The following CLEC4G variants were observed in gnomAD, a reference collection of about 807,000 sequenced individuals.
CLEC4G encodes the protein C-type lectin domain family 4 member G.
A neutral mutation model predicts 37.0 loss-of-function variants in CLEC4G; 34 were observed. That is an observed-to-expected ratio of 0.92 (90% CI 0.70 to 1.22). CLEC4G has a LOEUF of 1.22. Ranked by LOEUF, CLEC4G falls within the 50% of genes most tolerant of loss-of-function variation. The pLI is 0.00. For missense variants in CLEC4G, 390 were observed against 392.9 expected (o/e 0.99, Z 0.06); for synonymous variants, 167 against 165.6 (o/e 1.01, Z -0.06).
In CLEC4G at chr19:7,731,776, C is replaced by T. The variant is rs777215116; in HGVS notation, c.56-5G>A. ...GCACCCAGCGTCCCCAGGGCCCTGG[C>T]ATAACAAGGACGGCATGCTGGGTCC... On this transcript the variant is annotated splice_region_variant and splice_polypyrimidine_tract_variant and intron_variant, in intron 1 of 8. Coordinates refer to ENST00000328853, the MANE Select transcript of CLEC4G (RefSeq NM_198492.4). The T allele has an allele frequency of 6.2e-6, 10 of 1,611,716 alleles. No homozygotes were observed. The highest frequency in any genetic ancestry group is 8.5e-6 in the Non-Finnish European group (10 of 1,178,990).
chr19:7,731,933 T>C (rs2033439530), intron 1 of CLEC4G, 115 bp downstream of exon 1: 5 of 1,471,342 alleles, frequency 3.4e-6, no homozygotes, highest in Non-Finnish European at 3.7e-6. Context: ...ACTGGCTCTA[T>C]GGCCTGTGGT....
rs763549700 is a variant in CLEC4G, at chr19:7,729,362, G to C, written c.*4C>G. 1.9e-6 allele frequency: 3 copies of C among 1,599,550 alleles called. No homozygotes were observed. The highest frequency in any genetic ancestry group is 2.6e-6 in the Non-Finnish European group (3 of 1,168,378). On this transcript the variant is annotated 3_prime_UTR_variant, in exon 9 of 9. Coordinates refer to ENST00000328853, the MANE Select transcript of CLEC4G (RefSeq NM_198492.4). The stretch of plus-strand genomic sequence containing the variant: ...TGGGCGCGGCTCCAGGGCACTGGGC[G>C]GGGTCAGCAGTTGTGCCTTTTCTCA...
intron 1 of CLEC4G, 85 bp downstream of exon 1, chr19:7,731,963 C>G (rs1211206295): frequency 6.8e-7 from 1 of 1,462,582 alleles, no homozygotes; most frequent in African/African-American, 1.4e-5. Context: ...GCACCCACAA[C>G]CCTGGCCTGT....
intron 1 of CLEC4G, 122 bp from the exon 2 acceptor site, chr19:7,731,893 G>A: frequency 6.6e-7 from 1 of 1,525,402 alleles, no homozygotes; most frequent in Non-Finnish European, 8.8e-7. Context: ...CAGCTTCTAA[G>A]CGGCAGAGTT....
chr19:7,730,641 A>G lies in CLEC4G; in HGVS notation c.388+114T>C. ...GGAGTGGCAGTCAAGGTCAGAGTGCAGCGTCAGGGTCAGGACGGGGTGCAT... is the reference window on the plus strand; with the variant it reads ...GGAGTGGCAGTCAAGGTCAGAGTGCGGCGTCAGGGTCAGGACGGGGTGCAT... On this transcript the variant is annotated intron_variant, in intron 5 of 8. Transcript: ENST00000328853. This position sits in a 1 kb window ranked among gnomAD's most constrained non-coding sequence, Gnocchi z 7.3. 2 of 1,453,292 alleles carry G rather than the reference A, an allele frequency of 1.4e-6. No homozygotes were observed. The highest frequency in any genetic ancestry group is 1.8e-6 in the Non-Finnish European group (2 of 1,105,014). 90.0% of individuals were successfully genotyped at this position (1,453,292 alleles called of 1,614,324 possible).
intron 2 of CLEC4G, among the ~76,000 whole-genome samples, 162 bp downstream of exon 2, chr19:7,731,499 C>T (rs1156503853): frequency 6.6e-6 from 1 of 152,230 alleles, no homozygotes; most frequent in African/African-American, 2.4e-5. Context: ...ACGAGCACGC[C>T]ATGTGCACAC....
Position 7,731,631 on chromosome 19 carries a change from T to C in CLEC4G, c.166+30A>G, listed in dbSNP as rs767383551. ...GTTTTCTGTCCCCAGGGGGGCCGGA[T>C]GCAACACCTCCCCATTGAGAGTCAC... On this transcript the variant is annotated intron_variant, in intron 2 of 8. Transcript: ENST00000328853. 5 of 1,610,392 alleles carry C rather than the reference T, an allele frequency of 3.1e-6. No individual in the cohort carries two copies. The African/African-American group carries it at 5.3e-5, about 17-fold the overall frequency.
At chr19:7,731,473 G>A in intron 2 of CLEC4G, 154 bp from the exon 3 acceptor site, 2 of 1,472,736 alleles carry the variant, frequency 1.4e-6, no homozygotes, top group Non-Finnish European at 1.8e-6. Context: ...ACAAACGCGC[G>A]GGGACTCGCG....
chr19:7,730,940 C>T lies in CLEC4G; in HGVS notation c.284-81G>A, dbSNP rs1319878906. ...AGACCAGCCCCCGCCCCGCACCACC[C>T]GCCGCAGGCCTCCGCCCCGGCCCCC... On this transcript the variant is annotated intron_variant, in intron 4 of 8. Transcript: ENST00000328853. This position sits in a 1 kb window ranked among gnomAD's most constrained non-coding sequence, Gnocchi z 7.3. 3 of 1,479,620 alleles carry T rather than the reference C, an allele frequency of 2.0e-6. No individual in the cohort carries two copies. The African/African-American group carries it at 4.3e-5, about 21-fold the overall frequency. 91.7% of individuals were successfully genotyped at this position (1,479,620 alleles called of 1,614,324 possible). A position where few individuals can be genotyped will look rare whatever the true frequency, so the allele number is the denominator to read the frequency against.
Position 7,730,240 on chromosome 19 carries a change from G to A in CLEC4G, c.479-73C>T. 1 of 1,582,344 alleles carries A rather than the reference G, an allele frequency of 6.3e-7. No individual in the cohort carries two copies. Among genetic ancestry groups the A allele is most frequent in the Non-Finnish European group, 8.6e-7 (1 of 1,166,180 alleles). ...GCACCGAGAGGATGCAGTGGGTAGG[G>A]GTTCGGCCCCGCGGGCTCAGGGGTG... On this transcript the variant is annotated intron_variant, in intron 6 of 8. Transcript: ENST00000328853. This position sits in a 1 kb window ranked among gnomAD's most constrained non-coding sequence, Gnocchi z 7.3.
At position 7,729,828 on chromosome 19, in the gene CLEC4G, T is replaced by TGA; in HGVS notation, c.734_735dup (p.Phe247AlafsTer21). ...CAGGAGCCTTTCCCTCACCTGAAGC[T>TGA]GAGAGAGACTCCGTCCACCCACTGG... On this transcript the variant is annotated frameshift_variant, in exon 8 of 9. Coordinates refer to ENST00000328853, the MANE Select transcript of CLEC4G (RefSeq NM_198492.4). LOFTEE classifies it low-confidence loss of function (END_TRUNC). 1 of 1,614,088 alleles carries TGA rather than the reference T, an allele frequency of 6.2e-7. No homozygotes were observed. The highest frequency in any genetic ancestry group is 8.5e-7 in the Non-Finnish European group (1 of 1,180,004).
chr19:7,730,734 G>C lies in CLEC4G; in HGVS notation c.388+21C>G, dbSNP rs1408456209. ...GGGGACGCGGCCAGGGCTCAGGGCCGGGGTCGCGTCGGGCCCTCACCGCGC... is the reference window on the plus strand; with the variant it reads ...GGGGACGCGGCCAGGGCTCAGGGCCCGGGTCGCGTCGGGCCCTCACCGCGC... On this transcript the variant is annotated intron_variant, in intron 5 of 8. Coordinates refer to ENST00000328853, the MANE Select transcript of CLEC4G (RefSeq NM_198492.4). The surrounding 1 kb of genome is among the most constrained non-coding windows in gnomAD (Gnocchi z 7.3). 4.0e-5 allele frequency: 61 copies of C among 1,527,048 alleles called. No homozygotes were observed. The highest frequency in any genetic ancestry group is 5.2e-5 in the Non-Finnish European group (59 of 1,142,864). The allele number at this position is 1,527,048 out of a possible 1,614,324, so 94.6% of individuals were successfully genotyped here. A position where few individuals can be genotyped will look rare whatever the true frequency, so the allele number is the denominator to read the frequency against.
chr19:7,729,522 G>A lies in CLEC4G; in HGVS notation c.744-18C>T, dbSNP rs764964349. 18 of 1,566,192 alleles carry A rather than the reference G, an allele frequency of 1.1e-5. No homozygotes were observed. The highest frequency in any genetic ancestry group is 1.7e-4 in the Middle Eastern group (1 of 5,864). ...TCCAGTGGCTACAGGGGGGTTGAGT[G>A]GGGGTGTTGCTGGGAATCTAGACAG... On this transcript the variant is annotated intron_variant, in intron 8 of 8. Coordinates refer to ENST00000328853, the MANE Select transcript of CLEC4G (RefSeq NM_198492.4).
chr19:7,730,261 G>T lies in CLEC4G; in HGVS notation c.478+90C>A. ...TAGGGGTTCGGCCCCGCGGGCTCAG[G>T]GGTGGAGACACAGAACCAGGCCAAG... On this transcript the variant is annotated intron_variant, in intron 6 of 8. Coordinates refer to ENST00000328853, the MANE Select transcript of CLEC4G (RefSeq NM_198492.4). This position sits in a 1 kb window ranked among gnomAD's most constrained non-coding sequence, Gnocchi z 7.3. The T allele has an allele frequency of 1.9e-6, 3 of 1,573,452 alleles. No individual in the cohort carries two copies. The highest frequency in any genetic ancestry group is 2.6e-6 in the Non-Finnish European group (3 of 1,162,758).
chr19:7,731,148 A>G, intron 3 of CLEC4G, 60 bp from the exon 4 acceptor site: 2 of 1,594,508 alleles, frequency 1.3e-6, no homozygotes, highest in Non-Finnish European at 8.5e-7. Context: ...GACTCAGGGG[A>G]CCCCCTTCCA....
rs373933021 is a variant in CLEC4G at position 7,730,808 on chromosome 19, G to T, written c.335C>A (p.Ala112Glu). ...LQTTRAELGE[A>E]QAKLMEQESA... Reference sequence around the variant, plus strand: ...CTCCTGCTCCATCAGCTTCGCCTGCGCCTCCCCAAGCTCCGCGCGCGTGGT... The same window carrying T: ...CTCCTGCTCCATCAGCTTCGCCTGCTCCTCCCCAAGCTCCGCGCGCGTGGT... Residue 112 changes from alanine (A) to glutamate (E), a missense_variant, in exon 5 of 9, where the codon GCG (alanine) becomes GAG (glutamate). By Grantham distance (107) the Ala-to-Glu change is moderately radical (BLOSUM62 -1). Coordinates refer to ENST00000328853, the MANE Select transcript of CLEC4G (RefSeq NM_198492.4). This position sits in a 1 kb window ranked among gnomAD's most constrained non-coding sequence, Gnocchi z 7.3. 2 of 1,532,448 alleles carry T rather than the reference G, an allele frequency of 1.3e-6. No homozygotes were observed. The highest frequency in any genetic ancestry group is 1.7e-6 in the Non-Finnish European group (2 of 1,145,920). 94.9% of individuals were successfully genotyped at this position (1,532,448 alleles called of 1,614,324 possible).
chr19:7,729,746 A>C, intron 8 of CLEC4G, 75 bp downstream of exon 8: 1 of 1,576,698 alleles, frequency 6.3e-7, no homozygotes, highest in Non-Finnish European at 8.6e-7. Context: ...GGGGTCCCTG[A>C]GATCTAGCCA....
Position 7,730,392 on chromosome 19 carries a change from G to C in CLEC4G, c.437C>G (p.Thr146Ser), listed in dbSNP as rs1295502598. Reference sequence around the variant, plus strand: ...GGCCTCCAGCGCCCGGAACAGCTCAGTGCGGACGTCCTCACGGCCCCTGCC... The same window carrying C: ...GGCCTCCAGCGCCCGGAACAGCTCACTGCGGACGTCCTCACGGCCCCTGCC... ...EAGRGREDVR[T>S]ELFRALEAVR... Residue 146 changes from threonine to serine, a missense_variant, in exon 6 of 9, where the codon ACT becomes AGT. Transcript: ENST00000328853. This position sits in a 1 kb window ranked among gnomAD's most constrained non-coding sequence, Gnocchi z 7.3. The C allele has an allele frequency of 1.2e-6, 2 of 1,602,934 alleles. No individual in the cohort carries two copies. The highest frequency in any genetic ancestry group is 1.1e-5 in the South Asian group (1 of 91,078).
At position 7,729,361 on chromosome 19, in the gene CLEC4G, C is replaced by G. The variant is rs776740397; in HGVS notation, c.*5G>C. ...ATGGGCGCGGCTCCAGGGCACTGGGCGGGGTCAGCAGTTGTGCCTTTTCTC... is the reference window on the plus strand; with the variant it reads ...ATGGGCGCGGCTCCAGGGCACTGGGGGGGGTCAGCAGTTGTGCCTTTTCTC... On this transcript the variant is annotated 3_prime_UTR_variant, in exon 9 of 9. Transcript: ENST00000328853. 6 of 1,598,580 alleles carry G rather than the reference C, an allele frequency of 3.8e-6. No homozygotes were observed. The highest frequency in any genetic ancestry group is 4.3e-6 in the Non-Finnish European group (5 of 1,167,566).
Sources: allele counts gnomAD v4.1 joint callset (sites outside exome capture counted in the v4.1 genomes callset), GRCh38; gene constraint gnomAD v4.1.1; non-coding constraint Gnocchi (gnomAD v3.1); transcripts MANE v1.5; gene names NCBI Gene and HGNC (gene_info 2026-07-23, HGNC 2026-07-21).